Variants in TIAM1 observed in about 807,000 individuals in gnomAD.
TIAM1 encodes TIAM Rac1 associated GEF 1.
In TIAM1, 65 loss-of-function variants were observed where a neutral mutation model predicts 163.5. That is an observed-to-expected ratio of 0.40 (90% CI 0.33 to 0.49). The LOEUF (loss-of-function observed/expected upper bound fraction) is 0.49, where lower values mean the gene tolerates loss of function less well. Ranked by LOEUF, TIAM1 falls within the 20% of genes least tolerant of loss-of-function variation. The pLI, the probability that TIAM1 is intolerant of heterozygous loss-of-function variation, is 0.77. For synonymous variants in TIAM1, 833 were observed against 810.1 expected, an observed-to-expected ratio of 1.03 and a Z score of -0.48; for missense variants, 1,789 against 2,044.7, an observed-to-expected ratio of 0.87 and a Z score of 2.41.
chr21:31,243,773 G>A (rs1261978174), intron 6 of TIAM1, among the ~76,000 whole-genome samples: 1 of 152,170 alleles, frequency 6.6e-6, no homozygotes, highest in African/African-American at 2.4e-5. Flanking sequence ...AGCCTCATAG[G>A]ATAAACAGCT....
At chr21:31,542,903 G>A (rs577833085) in intron 1 of TIAM1, among the ~76,000 whole-genome samples, 1 of 152,088 alleles carries the variant, frequency 6.6e-6, no homozygotes, top group Admixed American at 6.5e-5. Context: ...GGGAGGCGGA[G>A]GTTGCAGTGA....
chr21:31,139,837 T>C (rs1458280954), intron 22 of TIAM1, among the ~76,000 whole-genome samples: 2 of 152,234 alleles, frequency 1.3e-5, no homozygotes, highest in Non-Finnish European at 2.9e-5. Context: ...GACTGTACAC[T>C]GTCTTTGAGA....
rs1168517078 is a variant in TIAM1, at chr21:31,556,866, T to A, written c.-422+2061A>T. Among the ~76,000 whole-genome samples, 7 of 152,354 alleles carry A rather than the reference T, an allele frequency of 4.6e-5. No individual in the cohort carries two copies. The East Asian group carries it at 1.4e-3, about 29-fold the overall frequency. Reference sequence around the variant, plus strand: ...CATCCACCCTCCCTAGCCCAGCTTTTTACCTTGAGATACAAAAAAGCATAT... The same window carrying A: ...CATCCACCCTCCCTAGCCCAGCTTTATACCTTGAGATACAAAAAAGCATAT... On this transcript the variant is annotated intron_variant, in intron 1 of 28. Coordinates refer to the TIAM1 transcript ENST00000286827.
chr21:31,243,893 G>T (rs2071355249), intron 6 of TIAM1, among the ~76,000 whole-genome samples: 1 of 152,182 alleles, frequency 6.6e-6, no homozygotes, highest in Non-Finnish European at 1.5e-5. Flanking sequence ...CTTCAAAAAT[G>T]AAAGGGAAAT....
At chr21:31,302,394 G>T (rs914249312) in intron 2 of TIAM1, among the ~76,000 whole-genome samples, 1 of 152,114 alleles carries the variant, frequency 6.6e-6, no homozygotes, top group Non-Finnish European at 1.5e-5. Context: ...AGGACCTTCA[G>T]ATTCCAACGC....
intron 1 of TIAM1, among the ~76,000 whole-genome samples, chr21:31,479,002 G>A (rs9976214): frequency 0.086 from 13,045 of 152,270 alleles, 737 homozygotes; most frequent in Non-Finnish European, 0.12. Context: ...AAAAGAATGT[G>A]ATTTCTACAA....
At chr21:31,171,035 CAAAAAAAAA>C (rs34291568) in intron 15 of TIAM1, among the ~76,000 whole-genome samples, 4 of 19,572 alleles carry the variant, frequency 2.0e-4, no homozygotes, top group Admixed American at 6.7e-4. Flanking sequence ...GACTCCATCT[CAAAAAAAAA>C]AAAAAAAAAA....
At chr21:31,252,338 G>T in intron 4 of TIAM1, 149 bp from the exon 5 acceptor site, 1 of 856,132 alleles carries the variant, frequency 1.2e-6, no homozygotes, top group Non-Finnish European at 1.8e-6. Context: ...TCCTGGACCA[G>T]GTCCTGCTCA....
chr21:31,241,771 C>T (rs1569090672), intron 6 of TIAM1, among the ~76,000 whole-genome samples: 1 of 152,100 alleles, frequency 6.6e-6, no homozygotes, highest in African/African-American at 2.4e-5. Flanking sequence ...GGTTGGGAGA[C>T]CAAAATGGGA....
intron 2 of TIAM1, among the ~76,000 whole-genome samples, chr21:31,333,717 G>C (rs910926128): frequency 2.0e-5 from 3 of 152,184 alleles, no homozygotes; most frequent in Non-Finnish European, 2.9e-5. Context: ...TGGGACTATG[G>C]GCATGGGCCA....
intron 23 of TIAM1, among the ~76,000 whole-genome samples, chr21:31,133,207 T>C (rs2833292): frequency 0.047 from 7,144 of 152,344 alleles, 210 homozygotes; most frequent in East Asian, 0.11. Flanking sequence ...CTTTAACGGC[T>C]GGGAATCCAC....
At chr21:31,525,346 CG>C (rs2047742622) in intron 1 of TIAM1, among the ~76,000 whole-genome samples, 1 of 147,510 alleles carries the variant, frequency 6.8e-6, no homozygotes, top group Admixed American at 6.8e-5. Context: ...CCAACCTGGG[CG>C]ACAGAGCCAG....
chr21:31,206,307 G>A (rs1213252770), intron 11 of TIAM1, among the ~76,000 whole-genome samples: 3 of 152,124 alleles, frequency 2.0e-5, no homozygotes, highest in Admixed American at 6.5e-5. Flanking sequence ...TCATCAGAAC[G>A]ATCAAGAAGA....
chr21:31,254,944 C>A (rs1031602664), intron 4 of TIAM1, among the ~76,000 whole-genome samples: 1 of 152,164 alleles, frequency 6.6e-6, no homozygotes, highest in African/African-American at 2.4e-5. Flanking sequence ...TTGCCAACAC[C>A]ATCCATCCCT....
At chr21:31,408,595 G>A (rs57073567) in intron 2 of TIAM1, among the ~76,000 whole-genome samples, 2,610 of 152,238 alleles carry the variant, frequency 0.017, 68 homozygotes, top group African/African-American at 0.06. Flanking sequence ...ATAACATTTT[G>A]GCTAAACTGG....
chr21:31,259,888 C>CA (rs1337276786), intron 4 of TIAM1, among the ~76,000 whole-genome samples: 2 of 151,570 alleles, frequency 1.3e-5, no homozygotes, highest in Non-Finnish European at 2.9e-5. Flanking sequence ...TAGAGATCTG[C>CA]AAAAATGGAA....
chr21:31,328,365 C>T (rs928379894), intron 2 of TIAM1, among the ~76,000 whole-genome samples: 26 of 151,860 alleles, frequency 1.7e-4, no homozygotes, highest in East Asian at 7.7e-4. Flanking sequence ...GTACTTAACA[C>T]GTACATATTT....
chr21:31,458,776 G>A (rs2045211601), intron 2 of TIAM1, among the ~76,000 whole-genome samples: 1 of 152,166 alleles, frequency 6.6e-6, no homozygotes. Context: ...GGTCTGGGGA[G>A]AGGGCTGCTA....
At chr21:31,315,240 C>A (rs565964570) in intron 2 of TIAM1, among the ~76,000 whole-genome samples, 9 of 152,100 alleles carry the variant, frequency 5.9e-5, no homozygotes, top group African/African-American at 1.2e-4. Flanking sequence ...CATGGCCGGG[C>A]GCAGTGGCTC....
Sources: gnomAD v4.1 joint callset for allele counts (sites outside exome capture counted in the v4.1 genomes callset) on GRCh38, gnomAD v4.1.1 for gene constraint, MANE v1.5 for transcripts, NCBI Gene and HGNC (gene_info 2026-07-23, HGNC 2026-07-21) for gene names.